BAIAP2L2: variants seen among roughly 807,000 people sequenced by gnomAD.
BAIAP2L2 encodes BAR/IMD domain-containing adapter protein 2-like 2.
A neutral mutation model predicts 60.4 loss-of-function variants in BAIAP2L2; 65 were observed. The observed-to-expected ratio is 1.08, with a 90% CI of 0.88 to 1.32. The LOEUF (loss-of-function observed/expected upper bound fraction) is 1.32, where lower values mean the gene tolerates loss of function less well. BAIAP2L2 is among the 40% of genes most tolerant of loss of function. The pLI, the probability that BAIAP2L2 is intolerant of heterozygous loss-of-function variation, is 0.00. For missense variants in BAIAP2L2, 836 were observed against 741.2 expected (o/e 1.13, Z -1.48); for synonymous variants, 344 against 301.7 (o/e 1.14, Z -1.45).
intron 7 of BAIAP2L2, among the ~76,000 whole-genome samples, chr22:38,091,771 C>T (rs2145968808): frequency 6.6e-6 from 1 of 152,160 alleles, no homozygotes; most frequent in Non-Finnish European, 1.5e-5. Flanking sequence ...GTATTTGCAA[C>T]TCATCACCAA....
chr22:38,088,460 T>C (rs2086166561), intron 10 of BAIAP2L2, among the ~76,000 whole-genome samples: 2 of 152,176 alleles, frequency 1.3e-5, no homozygotes. Context: ...CAGTAGGTGC[T>C]CAAGCAATAG....
At chr22:38,095,472 C>T (rs184106039) in intron 7 of BAIAP2L2, among the ~76,000 whole-genome samples, 371 of 152,260 alleles carry the variant, frequency 2.4e-3, no homozygotes, top group Non-Finnish European at 4.2e-3. Flanking sequence ...TCAAGCAATG[C>T]TCCTGCCTCA....
Position 38,098,095 on chromosome 22 carries a change from G to C in BAIAP2L2, c.433C>G (p.Arg145Gly). ...TCCCGCACGTTCTTGTCTCTCTTGCGCTCCATGCGCCACAGCTCAGACATG... is the reference window on the plus strand; with the variant it reads ...TCCCGCACGTTCTTGTCTCTCTTGCCCTCCATGCGCCACAGCTCAGACATG... Reference protein sequence around the residue: ...KCMSELWRMERKRDKNVREMK... With the variant: ...KCMSELWRMEGKRDKNVREMK... The change falls in exon 6 of 14, where the codon CGC becomes GGC. Residue 145 changes from arginine (R) to glycine (G), a missense_variant. Arg to Gly is a moderately radical substitution (Grantham distance 125, BLOSUM62 -2). Transcript: ENST00000381669. 6.4e-7 allele frequency: 1 copy of C among 1,562,668 alleles called. No individual in the cohort carries two copies. Among genetic ancestry groups the C allele is most frequent in the Non-Finnish European group, 8.7e-7 (1 of 1,146,632 alleles).
At chr22:38,095,600 A>G (rs2086409647) in intron 7 of BAIAP2L2, among the ~76,000 whole-genome samples, 2 of 152,094 alleles carry the variant, frequency 1.3e-5, no homozygotes, top group Admixed American at 6.6e-5. Flanking sequence ...CCTGACCTCA[A>G]GCGATCCACC....
intron 3 of BAIAP2L2, 99 bp downstream of exon 3, chr22:38,108,156 G>A (rs1006510779): frequency 8.3e-7 from 1 of 1,201,896 alleles, no homozygotes; most frequent in South Asian, 1.4e-5. Flanking sequence ...CTGGGCCCTG[G>A]GCTGAAAGGC....
rs576003341 is a variant in BAIAP2L2, at chr22:38,096,658, AAAAT to A, written c.612+370_612+373del. On this transcript the variant is annotated intron_variant, in intron 7 of 13. Transcript: ENST00000381669. ...CAACAAGAGTGAAACTCTGTCTCAA[AAAAT>A]AAATAAATAAATAATATGATAAAAT... 2.1e-4 allele frequency among the ~76,000 whole-genome samples: 32 copies of A among 152,328 alleles called. No homozygotes were observed. In the South Asian group the frequency reaches 5.8e-3, roughly 28 times the overall value.
Position 38,107,832 on chromosome 22 carries a change from C to A in BAIAP2L2, c.276+20G>T. Reference sequence around the variant, plus strand: ...ACTTTCCTCGAGTGACCCCTCCAGGCCCTGGGGCCTGATACTCACCACCAC... The same window carrying A: ...ACTTTCCTCGAGTGACCCCTCCAGGACCTGGGGCCTGATACTCACCACCAC... On this transcript the variant is annotated intron_variant, in intron 4 of 13. Coordinates refer to ENST00000381669, the MANE Select transcript of BAIAP2L2 (RefSeq NM_025045.6). 6.2e-7 allele frequency: 1 copy of A among 1,611,626 alleles called. No homozygotes were observed. The highest frequency in any genetic ancestry group is 8.5e-7 in the Non-Finnish European group (1 of 1,178,398).
chr22:38,103,639 G>T (rs552841214), intron 4 of BAIAP2L2, among the ~76,000 whole-genome samples: 206 of 152,234 alleles, frequency 1.4e-3, no homozygotes, highest in African/African-American at 4.5e-3. Context: ...AAACTGGGCA[G>T]ATCATCTGAG....
At chr22:38,100,726 T>C (rs1293909399) in intron 4 of BAIAP2L2, among the ~76,000 whole-genome samples, 1 of 152,176 alleles carries the variant, frequency 6.6e-6, no homozygotes, top group Non-Finnish European at 1.5e-5. Context: ...TGCAGAACCA[T>C]GAGCCAAAAT....
At chr22:38,108,576 C>A (rs1032241609) in intron 2 of BAIAP2L2, among the ~76,000 whole-genome samples, 1 of 151,942 alleles carries the variant, frequency 6.6e-6, no homozygotes, top group African/African-American at 2.4e-5. Context: ...GATGGGAGGC[C>A]CTGAGGTTCA....
chr22:38,110,791 A>G, upstream of BAIAP2L2: 1 of 494,078 alleles, frequency 2.0e-6, no homozygotes, highest in Non-Finnish European at 3.6e-6. Context: ...CCTGCCCTTC[A>G]ATTATTCACC....
Position 38,107,920 on chromosome 22 carries a change from G to T in BAIAP2L2, c.215-7C>A. The T allele has an allele frequency of 6.2e-7, 1 of 1,613,162 alleles. No individual in the cohort carries two copies. ...ATCTGCACCAAGATCTCCCCTGGAG[G>T]CATGGATGCAGCTGTGGCTTTGGTG... is the stretch of plus-strand genomic sequence containing the variant. On this transcript the variant is annotated splice_region_variant and splice_polypyrimidine_tract_variant and intron_variant, in intron 3 of 13. Transcript: ENST00000381669.
rs1243962649 is a variant in BAIAP2L2, at chr22:38,088,981, G to A, written c.902-17C>T. ...AGAGCGAGGCTGTGGGCGGGAGAGC[G>A]CGGCGGCACGTGGGCAGGAAGTTCT... On this transcript the variant is annotated splice_polypyrimidine_tract_variant and intron_variant, in intron 9 of 13. Coordinates refer to ENST00000381669, the MANE Select transcript of BAIAP2L2 (RefSeq NM_025045.6). The A allele has an allele frequency of 6.7e-6, 10 of 1,488,592 alleles. No homozygotes were observed. The African/African-American group carries it at 7.1e-5, about 11-fold the overall frequency. The allele number at this position is 1,488,592 out of a possible 1,614,324, so 92.2% of individuals were successfully genotyped here.
At chr22:38,103,794 C>T (rs926528498) in intron 4 of BAIAP2L2, among the ~76,000 whole-genome samples, 3 of 147,628 alleles carry the variant, frequency 2.0e-5, no homozygotes, top group African/African-American at 5.0e-5. Context: ...ACCTGGGAGG[C>T]GGACGTTGCA....
At chr22:38,103,297 A>G (rs1396335792) in intron 4 of BAIAP2L2, among the ~76,000 whole-genome samples, 1 of 152,228 alleles carries the variant, frequency 6.6e-6, no homozygotes, top group African/African-American at 2.4e-5. Context: ...AATATGTGTT[A>G]TATGTGTGTA....
At chr22:38,109,778 G>A (rs1480749399) in intron 1 of BAIAP2L2, among the ~76,000 whole-genome samples, 1 of 152,074 alleles carries the variant, frequency 6.6e-6, no homozygotes, top group Non-Finnish European at 1.5e-5. Flanking sequence ...CCTGGACTTG[G>A]ACTTGGGTCT....
At position 38,097,189 on chromosome 22, in the gene BAIAP2L2, A is replaced by G; in HGVS notation, c.466-11T>C. On this transcript the variant is annotated splice_polypyrimidine_tract_variant and intron_variant, in intron 6 of 13. Transcript: ENST00000381669. ...CCGGTTCACACTCTCCTGGGGGGGA[A>G]CGGGAGTTCTGGCTGGGGGCGGTGG... The G allele has an allele frequency of 2.5e-6, 4 of 1,609,798 alleles. No homozygotes were observed. Among genetic ancestry groups the G allele is most frequent in the Non-Finnish European group, 3.4e-6 (4 of 1,177,038 alleles).
chr22:38,110,639 C>T lies in BAIAP2L2; in HGVS notation c.-114G>A. 1.2e-6 allele frequency: 1 copy of T among 817,430 alleles called. No individual in the cohort carries two copies. The highest frequency in any genetic ancestry group is 1.9e-6 in the Non-Finnish European group (1 of 530,022). 50.6% of individuals were successfully genotyped at this position (817,430 alleles called of 1,614,324 possible). A position where few individuals can be genotyped will look rare whatever the true frequency, so the allele number is the denominator to read the frequency against. The stretch of plus-strand genomic sequence containing the variant: ...CACGACTCAGCTGGCAGCGAGGAAG[C>T]CTCGGAGAGGGACCTGGAGATGGAG... On this transcript the variant is annotated 5_prime_UTR_variant, in exon 1 of 14. Transcript: ENST00000381669.
chr22:38,110,593 G>A lies in BAIAP2L2; in HGVS notation c.-68C>T. On this transcript the variant is annotated 5_prime_UTR_variant, in exon 1 of 14. Transcript: ENST00000381669. Reference sequence around the variant, plus strand: ...GGCGATGGCACAGCCGGGAGCAGTGGTAGGTAGTCCCTCAGGTGCCCACGA... The same window carrying A: ...GGCGATGGCACAGCCGGGAGCAGTGATAGGTAGTCCCTCAGGTGCCCACGA... 1 of 1,387,686 alleles carries A rather than the reference G, an allele frequency of 7.2e-7. No individual in the cohort carries two copies. The highest frequency in any genetic ancestry group is 9.9e-7 in the Non-Finnish European group (1 of 1,006,702). The allele number at this position is 1,387,686 out of a possible 1,614,324, so 86.0% of individuals were successfully genotyped here.
Sources: allele counts gnomAD v4.1 joint callset (sites outside exome capture counted in the v4.1 genomes callset), GRCh38; gene constraint gnomAD v4.1.1; transcripts MANE v1.5; gene names NCBI Gene and HGNC (gene_info 2026-07-23, HGNC 2026-07-21).